DNAH17: variants seen among roughly 807,000 people sequenced by gnomAD.
DNAH17 encodes the protein dynein axonemal heavy chain 17.
Under a neutral mutation model 485.6 loss-of-function variants are expected in DNAH17, and 376 were observed. The ratio of observed to expected loss-of-function variants is 0.77; its 90% CI spans 0.71 to 0.84. The LOEUF (loss-of-function observed/expected upper bound fraction) is 0.84, where lower values mean the gene tolerates loss of function less well. DNAH17 is among the 40% of genes least tolerant of loss of function. The probability of loss-of-function intolerance (pLI) is 0.00; values close to 1 mark genes in which losing one functional copy is unlikely to be tolerated. For synonymous variants in DNAH17, 3,031 were observed against 2,405.9 expected (o/e 1.26, Z -7.60); for missense variants, 6,370 against 5,839.3 (o/e 1.09, Z -2.96).
chr17:78,477,548 T>G (rs2089089863), intron 51 of DNAH17, among the ~76,000 whole-genome samples: 1 of 152,068 alleles, frequency 6.6e-6, no homozygotes, highest in Non-Finnish European at 1.5e-5. Context: ...CCAGCTAATT[T>G]TTGTATTTTT....
chr17:78,572,134 G>T (rs1039960691), intron 3 of DNAH17, among the ~76,000 whole-genome samples: 6 of 152,216 alleles, frequency 3.9e-5, no homozygotes, highest in African/African-American at 1.4e-4. Context: ...TGAATGATCA[G>T]TGGAGGACTT....
At chr17:78,570,888 A>AAG in intron 6 of DNAH17, 60 bp downstream of exon 6, 1 of 915,056 alleles carries the variant, frequency 1.1e-6, no homozygotes, top group African/African-American at 1.8e-5. Context: ...AGAAAAAAGA[A>AAG]AAGAAAAGAA....
intron 71 of DNAH17, among the ~76,000 whole-genome samples, chr17:78,443,039 G>A (rs187005623): frequency 4.6e-5 from 7 of 152,336 alleles, no homozygotes; most frequent in Admixed American, 2.6e-4. Flanking sequence ...TCAATGCTGA[G>A]GGATGATCTG....
rs759239738 is a variant in DNAH17, at chr17:78,505,423, A to G, written c.4826T>C (p.Leu1609Pro). The change falls in exon 31 of 81, where the codon CTC (leucine) becomes CCC (proline). Residue 1609 changes from leucine (L) to proline (P), a missense_variant. Transcript: ENST00000389840. The part of the protein sequence containing the change: ...PVEVSRHLSK[L>P]FDSLCKLKFR... ...CTTCAGTTTACACAGGCTATCGAAG[A>G]GTTTGGACAGGTGGCGGCTCACCTG... The G allele has an allele frequency of 2.5e-6, 4 of 1,613,916 alleles. No homozygotes were observed. In the Admixed American group the frequency reaches 6.7e-5, roughly 27 times the overall value.
At chr17:78,471,448 C>G (rs774222562) in intron 54 of DNAH17, among the ~76,000 whole-genome samples, 58 of 152,338 alleles carry the variant, frequency 3.8e-4, no homozygotes, top group Non-Finnish European at 7.6e-4. Flanking sequence ...AGACGAATCA[C>G]TCTTCTCATT....
intron 33 of DNAH17, 185 bp downstream of exon 33, chr17:78,502,406 G>T (rs1292566522): frequency 1.9e-6 from 1 of 526,262 alleles, no homozygotes. Context: ...GTGGGGAGAG[G>T]TGCCTGGGGC....
intron 25 of DNAH17, among the ~76,000 whole-genome samples, chr17:78,521,908 C>A (rs1397538954): frequency 1.3e-5 from 2 of 152,138 alleles, no homozygotes; most frequent in Non-Finnish European, 2.9e-5. Flanking sequence ...AATCCTTGAA[C>A]CCAGGAGACA....
chr17:78,479,630 G>A lies in DNAH17; in HGVS notation c.7755C>T (p.Arg2585=), dbSNP rs1296769925. The change falls in exon 50 of 81, where the codon CGC becomes CGT. Residue 2585 remains arginine, a splice_region_variant and synonymous_variant. Transcript: ENST00000389840. The part of the protein sequence containing the change: ...GSFTIDSRLQ[R]HFCVFAVSFP... ...AGCTCACAGCAAACACGCAGAAATG[G>A]CGCTACCCCAAAACAACCAAACACT... The A allele has an allele frequency of 1.2e-6, 2 of 1,612,870 alleles. No individual in the cohort carries two copies. The highest frequency in any genetic ancestry group is 2.2e-5 in the South Asian group (2 of 91,016).
chr17:78,445,917 C>T (rs1209788630), intron 69 of DNAH17, among the ~76,000 whole-genome samples: 1 of 151,818 alleles, frequency 6.6e-6, no homozygotes, highest in Non-Finnish European at 1.5e-5. Context: ...CGCCTGTAAT[C>T]CCAGCACTTT....
chr17:78,472,773 T>A, intron 54 of DNAH17: 4 of 454,748 alleles, frequency 8.8e-6, no homozygotes, highest in Non-Finnish European at 1.3e-5. Flanking sequence ...TTCTCCCTTC[T>A]CGTCGCACCT....
chr17:78,545,186 A>C (rs532651175), intron 16 of DNAH17, among the ~76,000 whole-genome samples: 1 of 152,200 alleles, frequency 6.6e-6, no homozygotes, highest in Non-Finnish European at 1.5e-5. Flanking sequence ...TATTTACGTG[A>C]GTACTTATAG....
intron 25 of DNAH17, among the ~76,000 whole-genome samples, chr17:78,519,120 A>T (rs1027589977): frequency 2.1e-5 from 3 of 142,518 alleles, no homozygotes; most frequent in African/African-American, 7.8e-5. Flanking sequence ...GTGAGCCAAG[A>T]TAGCGCCACT....
intron 25 of DNAH17, among the ~76,000 whole-genome samples, chr17:78,515,677 T>G (rs1350223080): frequency 2.6e-5 from 4 of 152,218 alleles, no homozygotes; most frequent in Admixed American, 6.5e-5. Context: ...AATACCCAGC[T>G]TGGCATTCCC....
At chr17:78,559,482 A>G (rs1358288075) in intron 13 of DNAH17, among the ~76,000 whole-genome samples, 3 of 152,128 alleles carry the variant, frequency 2.0e-5, no homozygotes, top group African/African-American at 7.2e-5. Context: ...CCATGGCACT[A>G]TATTCAAGTC....
intron 62 of DNAH17, among the ~76,000 whole-genome samples, chr17:78,457,553 T>A (rs930108308): frequency 2.0e-5 from 3 of 151,958 alleles, no homozygotes; most frequent in Non-Finnish European, 4.4e-5. Context: ...ACTTAAAAAA[T>A]TTTTTTGTAG....
intron 56 of DNAH17, among the ~76,000 whole-genome samples, 197 bp from the exon 57 acceptor site, chr17:78,463,274 T>G (rs1568090455): frequency 1.3e-5 from 2 of 152,212 alleles, no homozygotes; most frequent in African/African-American, 4.8e-5. Context: ...TGGAAGGGTT[T>G]AGCTCAGCGC....
At chr17:78,461,478 G>A in intron 58 of DNAH17, 66 bp downstream of exon 58, 1 of 1,422,710 alleles carries the variant, frequency 7.0e-7, no homozygotes, top group Non-Finnish European at 9.2e-7. Flanking sequence ...GACCACACGT[G>A]GAAGCCCAGG....
intron 75 of DNAH17, among the ~76,000 whole-genome samples, chr17:78,430,129 G>T (rs777880564): frequency 6.6e-6 from 1 of 152,156 alleles, no homozygotes; most frequent in Non-Finnish European, 1.5e-5. Flanking sequence ...GCTCATGGGC[G>T]GCCTCGCCAT....
Position 78,543,854 on chromosome 17 carries a change from T to C in DNAH17, c.2532+3A>G, listed in dbSNP as rs2091674625. The C allele has an allele frequency of 3.1e-6, 5 of 1,614,042 alleles. No individual in the cohort carries two copies. The highest frequency in any genetic ancestry group is 4.2e-6 in the Non-Finnish European group (5 of 1,179,898). Reference sequence around the variant, plus strand: ...TCAAAAAACCTCCTGGGTGTTTCCTTACTGCAACCATGGCTTGGATCTTCA... The same window carrying C: ...TCAAAAAACCTCCTGGGTGTTTCCTCACTGCAACCATGGCTTGGATCTTCA... On this transcript the variant is annotated splice_donor_region_variant and intron_variant, in intron 17 of 80. Transcript: ENST00000389840.
Sources: gnomAD v4.1 joint callset for allele counts (sites outside exome capture counted in the v4.1 genomes callset) on GRCh38, gnomAD v4.1.1 for gene constraint, MANE v1.5 for transcripts, NCBI Gene and HGNC (gene_info 2026-07-23, HGNC 2026-07-21) for gene names.